PPP1R13B: variants seen among roughly 807,000 people sequenced by gnomAD.
PPP1R13B encodes the protein protein phosphatase 1 regulatory subunit 13B, also known as apoptosis-stimulating of p53 protein 1.
In PPP1R13B, 44 loss-of-function variants were observed where a neutral mutation model predicts 119.8. The observed-to-expected ratio is 0.37, with a 90% CI of 0.29 to 0.47. The LOEUF (loss-of-function observed/expected upper bound fraction) is 0.47. PPP1R13B is among the 20% of genes least tolerant of loss of function. PPP1R13B has a pLI of 0.99. For synonymous variants in PPP1R13B, 542 were observed against 561.5 expected (o/e 0.97, Z 0.49); for missense variants, 1,227 against 1,413.5 (o/e 0.87, Z 2.12).
At chr14:103,846,255 G>A (rs574970358) in intron 1 of PPP1R13B, among the ~76,000 whole-genome samples, 7 of 152,320 alleles carry the variant, frequency 4.6e-5, no homozygotes, top group Middle Eastern at 3.4e-3. Context: ...GCTGGAATCC[G>A]TTAAAAACGG....
upstream of PPP1R13B, chr14:103,847,603 A>G (rs1382425336): frequency 8.1e-6 from 8 of 985,322 alleles, no homozygotes; most frequent in Non-Finnish European, 9.6e-6. Flanking sequence ...CTCGCTCTTC[A>G]GCCCCCGCAG....
intron 1 of PPP1R13B, among the ~76,000 whole-genome samples, chr14:103,829,326 G>A (rs1021719753): frequency 6.6e-6 from 1 of 152,106 alleles, no homozygotes; most frequent in Non-Finnish European, 1.5e-5. Context: ...TTCTTCACCT[G>A]TGAAAACTTG....
intron 2 of PPP1R13B, among the ~76,000 whole-genome samples, chr14:103,788,795 T>C (rs2085535960): frequency 6.6e-6 from 1 of 152,158 alleles, no homozygotes; most frequent in African/African-American, 2.4e-5. Flanking sequence ...AAATTAGCAT[T>C]TTTGAACTTC....
intron 7 of PPP1R13B, among the ~76,000 whole-genome samples, chr14:103,750,505 A>C (rs774614447): frequency 5.6e-4 from 85 of 152,252 alleles, no homozygotes; most frequent in Non-Finnish European, 8.8e-4. Flanking sequence ...TTCCGTGTGT[A>C]TACTCAACAG....
chr14:103,792,292 C>T (rs1306600120), intron 2 of PPP1R13B, among the ~76,000 whole-genome samples: 2 of 151,942 alleles, frequency 1.3e-5, no homozygotes, highest in Admixed American at 1.3e-4. Flanking sequence ...ATCGTCCCAC[C>T]TCAACCTCTC....
rs1595712043 is a variant in PPP1R13B, at chr14:103,742,803, T to C, written c.1171A>G (p.Thr391Ala). 6.2e-7 allele frequency: 1 copy of C among 1,614,122 alleles called. No individual in the cohort carries two copies. Among genetic ancestry groups the C allele is most frequent in the African/African-American group, 1.3e-5 (1 of 75,066 alleles). Reference protein sequence around the residue: ...SKSANDGNWPTLKQNSSSSVK... With the variant: ...SKSANDGNWPALKQNSSSSVK... ...GAAGAGCTAGAATTCTGTTTTAATGTTGGCCAGTTTCCATCATTAGCTTGA... is the reference window on the plus strand; with the variant it reads ...GAAGAGCTAGAATTCTGTTTTAATGCTGGCCAGTTTCCATCATTAGCTTGA... Residue 391 changes from threonine (T) to alanine (A), a missense_variant, in exon 10 of 17, where the codon ACA becomes GCA. Transcript: ENST00000202556. This position sits in a 1 kb window ranked among gnomAD's most constrained non-coding sequence, Gnocchi z 4.9.
chr14:103,793,202 G>C (rs1219910787), intron 2 of PPP1R13B, among the ~76,000 whole-genome samples: 1 of 151,210 alleles, frequency 6.6e-6, no homozygotes, highest in Admixed American at 6.6e-5. Context: ...GAGAAGTGAG[G>C]AAAGGAAAGA....
At position 103,839,391 on chromosome 14, in the gene PPP1R13B, G is replaced by C. The variant is rs1461958665; in HGVS notation, c.9+7908C>G. Among the ~76,000 whole-genome samples, 4 of 151,896 alleles carry C rather than the reference G, an allele frequency of 2.6e-5. No individual in the cohort carries two copies. The East Asian group carries it at 7.9e-4, about 30-fold the overall frequency. Reference sequence around the variant, plus strand: ...CCTGTTAACCCCAGCACTTTGGGGGGTTGAGGCAGGCAGATCACCTGACGT... The same window carrying C: ...CCTGTTAACCCCAGCACTTTGGGGGCTTGAGGCAGGCAGATCACCTGACGT... On this transcript the variant is annotated intron_variant, in intron 1 of 16. Transcript: ENST00000202556.
At chr14:103,819,389 T>C (rs1165307503) in intron 1 of PPP1R13B, among the ~76,000 whole-genome samples, 2 of 151,604 alleles carry the variant, frequency 1.3e-5, no homozygotes, top group Non-Finnish European at 2.9e-5. Context: ...CCCAGCTACT[T>C]GGGAGGCTGA....
intron 5 of PPP1R13B, among the ~76,000 whole-genome samples, chr14:103,755,881 ATATT>A (rs532644729): frequency 6.3e-4 from 96 of 152,336 alleles, no homozygotes; most frequent in Non-Finnish European, 1.2e-3. Context: ...AATCCAATAA[ATATT>A]GAGACAACTT....
chr14:103,816,244 G>A lies in PPP1R13B; in HGVS notation c.10-18726C>T, dbSNP rs1181899956. Among the ~76,000 whole-genome samples the A allele has an allele frequency of 2.7e-5, 4 of 148,892 alleles. No individual in the cohort carries two copies. The East Asian group carries it at 6.2e-4, about 23-fold the overall frequency. On this transcript the variant is annotated intron_variant, in intron 1 of 16. Coordinates refer to ENST00000202556, the MANE Select transcript of PPP1R13B (RefSeq NM_015316.3). Reference sequence around the variant, plus strand: ...ATGATCTTGGCTCACTGCAACTTCTGCCTCCCAGGTTCAAGCGATTCTCCT... The same window carrying A: ...ATGATCTTGGCTCACTGCAACTTCTACCTCCCAGGTTCAAGCGATTCTCCT...
intron 4 of PPP1R13B, among the ~76,000 whole-genome samples, chr14:103,770,277 A>T (rs2085036221): frequency 6.6e-6 from 1 of 152,136 alleles, no homozygotes; most frequent in Non-Finnish European, 1.5e-5. Context: ...ACTTTGAGAG[A>T]CTGAGGCAGG....
intron 1 of PPP1R13B, among the ~76,000 whole-genome samples, chr14:103,817,971 A>G (rs761721007): frequency 7.5e-4 from 115 of 152,328 alleles, no homozygotes; most frequent in Middle Eastern, 3.4e-3. Flanking sequence ...ACAGGAAATA[A>G]TCTTTACCCA....
intron 2 of PPP1R13B, among the ~76,000 whole-genome samples, chr14:103,792,280 C>T (rs528273564): frequency 4.0e-5 from 6 of 151,754 alleles, no homozygotes; most frequent in Admixed American, 6.6e-5. Context: ...TGTGATCAAG[C>T]GATCGTCCCA....
chr14:103,765,097 C>T (rs1228098510), intron 4 of PPP1R13B, among the ~76,000 whole-genome samples: 1 of 152,186 alleles, frequency 6.6e-6, no homozygotes, highest in Admixed American at 6.5e-5. Context: ...GGATTATAGG[C>T]GTGAGCCACT....
intron 1 of PPP1R13B, among the ~76,000 whole-genome samples, chr14:103,812,697 G>A (rs975281350): frequency 3.9e-5 from 6 of 152,304 alleles, no homozygotes; most frequent in Non-Finnish European, 7.3e-5. Flanking sequence ...TTACACGCGT[G>A]AGCCACCGCA....
At chr14:103,808,239 CAAA>C (rs59331307) in intron 1 of PPP1R13B, among the ~76,000 whole-genome samples, 4 of 124,862 alleles carry the variant, frequency 3.2e-5, no homozygotes. Flanking sequence ...GACTCTATCT[CAAA>C]AAAAAAAAAA....
In PPP1R13B at chr14:103,740,489, C is replaced by G; in HGVS notation, c.1927G>C (p.Glu643Gln). Reference protein sequence around the residue: ...TGTPQPQPPSESTEKEPEQDG... With the variant: ...TGTPQPQPPSQSTEKEPEQDG... Reference sequence around the variant, plus strand: ...TGCTCAGGCTCTTTCTCAGTACTTTCTGAAGGTGGCTGAGGCTGTGGTGTG... The same window carrying G: ...TGCTCAGGCTCTTTCTCAGTACTTTGTGAAGGTGGCTGAGGCTGTGGTGTG... Residue 643 changes from glutamate to glutamine, a missense_variant, in exon 12 of 17, where the codon GAA (glutamate) becomes CAA (glutamine). Physicochemically the swap from Glu to Gln is conservative, Grantham distance 29 (BLOSUM62 2). Coordinates refer to ENST00000202556, the MANE Select transcript of PPP1R13B (RefSeq NM_015316.3). The surrounding 1 kb of genome is among the most constrained non-coding windows in gnomAD (Gnocchi z 4.6). 6.2e-7 allele frequency: 1 copy of G among 1,608,592 alleles called. No individual in the cohort carries two copies. Among genetic ancestry groups the G allele is most frequent in the South Asian group, 1.1e-5 (1 of 90,764 alleles).
intron 1 of PPP1R13B, among the ~76,000 whole-genome samples, chr14:103,838,752 C>T (rs1259115400): frequency 6.6e-6 from 1 of 152,160 alleles, no homozygotes; most frequent in Non-Finnish European, 1.5e-5. Context: ...GCAACTTTCA[C>T]CGTACTAATG....
Sources: gnomAD v4.1 joint callset for allele counts (sites outside exome capture counted in the v4.1 genomes callset) on GRCh38, gnomAD v4.1.1 for gene constraint, Gnocchi (gnomAD v3.1) non-coding constraint, MANE v1.5 for transcripts, NCBI Gene and HGNC (gene_info 2026-07-23, HGNC 2026-07-21) for gene names.